Variants in FBN1 observed in about 807,000 individuals in gnomAD.
FBN1 encodes fibrillin 1, also known as fibrillin-1.
In FBN1, 29 loss-of-function variants were observed where a neutral mutation model predicts 365.1. That is an observed-to-expected ratio of 0.08 (90% confidence interval 0.06 to 0.11). The LOEUF (loss-of-function observed/expected upper bound fraction) is 0.11. Among genes scored for constraint, FBN1 ranks in the 10% least tolerant of loss-of-function variants. FBN1 has a pLI of 1.00. For synonymous variants in FBN1, 1,210 were observed against 1,270.5 expected (o/e 0.95, Z 1.01); for missense variants, 2,476 against 3,703.2 (o/e 0.67, Z 8.60).
intron 2 of FBN1, among the ~76,000 whole-genome samples, chr15:48,633,521 C>A (rs1890029361): frequency 6.6e-6 from 1 of 152,056 alleles, no homozygotes; most frequent in Admixed American, 6.6e-5. Context: ...TCTCTTTTTC[C>A]AACCACCTGA....
intron 13 of FBN1, among the ~76,000 whole-genome samples, chr15:48,512,789 A>C (rs1423884477): frequency 6.6e-6 from 1 of 151,908 alleles, no homozygotes; most frequent in Admixed American, 6.6e-5. Flanking sequence ...GTCTTTACTG[A>C]ATTAATGATA....
At chr15:48,430,837 A>G in intron 55 of FBN1, 35 bp from the exon 56 acceptor site, 1 of 1,607,944 alleles carries the variant, frequency 6.2e-7, no homozygotes, top group Non-Finnish European at 8.5e-7. Flanking sequence ...TTTGTCAAAG[A>G]AAATGCATAT....
intron 10 of FBN1, among the ~76,000 whole-genome samples, chr15:48,518,677 G>A (rs1334340049): frequency 3.3e-5 from 5 of 152,096 alleles, no homozygotes; most frequent in African/African-American, 9.7e-5. Context: ...GATCAGCAAC[G>A]TGGGGCTAAT....
At chr15:48,421,876 A>G in intron 61 of FBN1, 76 bp downstream of exon 61, 1 of 1,308,158 alleles carries the variant, frequency 7.6e-7, no homozygotes, top group Non-Finnish European at 1.1e-6. Flanking sequence ...TCTTATCCCA[A>G]CAGCAGAGGA....
intron 4 of FBN1, among the ~76,000 whole-genome samples, chr15:48,610,447 G>A (rs1285874364): frequency 6.6e-6 from 1 of 152,088 alleles, no homozygotes; most frequent in Non-Finnish European, 1.5e-5. Flanking sequence ...TTACACTGGA[G>A]ATACAAAGAT....
At chr15:48,628,517 A>G (rs1889928627) in intron 2 of FBN1, among the ~76,000 whole-genome samples, 1 of 152,206 alleles carries the variant, frequency 6.6e-6, no homozygotes, top group Non-Finnish European at 1.5e-5. Flanking sequence ...ATCATGGGAT[A>G]AATGGACCTT....
At position 48,612,195 on chromosome 15, in the gene FBN1, T is replaced by C. The variant is rs149814328; in HGVS notation, c.247+815A>G. ...CAAGAATTGAGAAACAGTTAAACTT[T>C]TTCAGGTCATGAAGCAAATATTGGC... is the stretch of plus-strand genomic sequence containing the variant. On this transcript the variant is annotated intron_variant, in intron 3 of 65. Transcript: ENST00000316623. Among the ~76,000 whole-genome samples the C allele has an allele frequency of 1.9e-3, 283 of 152,344 alleles. 1 individual carries two copies. The highest frequency in any genetic ancestry group is 6.6e-3 in the African/African-American group (274 of 41,576).
intron 60 of FBN1, among the ~76,000 whole-genome samples, chr15:48,423,058 T>A (rs2141223621): frequency 6.6e-6 from 1 of 152,378 alleles, no homozygotes; most frequent in African/African-American, 2.4e-5. Flanking sequence ...TGACCAGGCC[T>A]CTTTTCTCAA....
intron 4 of FBN1, among the ~76,000 whole-genome samples, chr15:48,603,211 C>T (rs1398583461): frequency 6.6e-6 from 1 of 152,144 alleles, no homozygotes; most frequent in Non-Finnish European, 1.5e-5. Context: ...ATAAAATATT[C>T]TTTCTTTAAA....
intron 50 of FBN1, 81 bp downstream of exon 50, chr15:48,441,640 G>C: frequency 6.5e-7 from 1 of 1,543,398 alleles, no homozygotes; most frequent in Non-Finnish European, 8.9e-7. Context: ...CAAAGAAACA[G>C]AGCTTTGCCA....
In FBN1 at chr15:48,610,716, T is replaced by A; in HGVS notation, c.346+12A>T. On this transcript the variant is annotated intron_variant, in intron 4 of 65. Coordinates refer to ENST00000316623, the MANE Select transcript of FBN1 (RefSeq NM_000138.5). ...TAAAATAATATTATATATAATGACA[T>A]GTTAGACTTACTGGATCTGGAGCCA... 3.2e-6 allele frequency: 5 copies of A among 1,587,052 alleles called. No individual in the cohort carries two copies. The highest frequency in any genetic ancestry group is 4.3e-6 in the Non-Finnish European group (5 of 1,155,660).
intron 4 of FBN1, among the ~76,000 whole-genome samples, chr15:48,609,655 G>A (rs1396069598): frequency 6.6e-6 from 1 of 152,206 alleles, no homozygotes; most frequent in East Asian, 1.9e-4. Flanking sequence ...TTAAAAGTCT[G>A]CTTCCAGGTC....
At chr15:48,515,603 A>G (rs2043794563) in intron 11 of FBN1, 76 bp from the exon 12 acceptor site, 7 of 1,570,840 alleles carry the variant, frequency 4.5e-6, no homozygotes, top group Non-Finnish European at 6.1e-6. Context: ...GACAATAATG[A>G]ACAAGATGTT....
In FBN1 at chr15:48,463,962, C is replaced by T. The variant is rs1159090162; in HGVS notation, c.5002G>A (p.Gly1668Ser). The change falls in exon 41 of 66, where the codon GGC becomes AGC. Residue 1668 changes from glycine to serine, a missense_variant. Around this residue, in one of 5 missense-constraint regions of FBN1, gnomAD observed 1,780 missense variants for 2,840.8 expected, o/e 0.63. Transcript: ENST00000316623. ...CGPGTCYNTV[G>S]NYTCICPPDY... ...GGAGGACAGATACAGGTGTAGTTGC[C>T]AACGGTGTTGTAACATGTCCCTGGA... 1 of 1,613,682 alleles carries T rather than the reference C, an allele frequency of 6.2e-7. No individual in the cohort carries two copies. Among genetic ancestry groups the T allele is most frequent in the Non-Finnish European group, 8.5e-7 (1 of 1,179,720 alleles).
rs1409079752 is a variant in FBN1 at position 48,474,341 on chromosome 15, C to T, written c.4124G>A (p.Ser1375Asn). ...GGTATTCTTGCAGTCTGCATGCTGGCTGCACATATGGGTTCCATTGGAACA... is the reference window on the plus strand; with the variant it reads ...GGTATTCTTGCAGTCTGCATGCTGGTTGCACATATGGGTTCCATTGGAACA... ...DECSNGTHMC[S>N]QHADCKNTMG... The change falls in exon 34 of 66, where the codon AGC becomes AAC. Residue 1375 changes from serine (S) to asparagine (N), a missense_variant. Physicochemically the swap from Ser to Asn is conservative, Grantham distance 46 (BLOSUM62 1). Coordinates refer to ENST00000316623, the MANE Select transcript of FBN1 (RefSeq NM_000138.5). The T allele has an allele frequency of 1.2e-6, 2 of 1,614,108 alleles. No individual in the cohort carries two copies. Among genetic ancestry groups the T allele is most frequent in the Non-Finnish European group, 1.7e-6 (2 of 1,180,000 alleles).
intron 17 of FBN1, among the ~76,000 whole-genome samples, chr15:48,499,329 A>T (rs552847606): frequency 1.3e-5 from 2 of 152,354 alleles, no homozygotes; most frequent in East Asian, 3.9e-4. Context: ...TTCACCAGGG[A>T]ACACTTTACA....
chr15:48,463,753 G>A lies in FBN1; in HGVS notation c.5065+146C>T, dbSNP rs1597545716. On this transcript the variant is annotated intron_variant, in intron 41 of 65. Coordinates refer to ENST00000316623, the MANE Select transcript of FBN1 (RefSeq NM_000138.5). ...AAAAAATGCCAAGTTATGATTTATAGGGGAAGAGTCTCCTAACAAGACAGT... is the reference window on the plus strand; with the variant it reads ...AAAAAATGCCAAGTTATGATTTATAAGGGAAGAGTCTCCTAACAAGACAGT... The A allele has an allele frequency of 6.5e-6, 6 of 927,648 alleles. No homozygotes were observed. The Middle Eastern group carries it at 6.4e-4, about 99-fold the overall frequency. The allele number at this position is 927,648 out of a possible 1,614,324, so 57.5% of individuals were successfully genotyped here.
At chr15:48,606,931 C>T (rs1174132804) in intron 4 of FBN1, among the ~76,000 whole-genome samples, 1 of 152,166 alleles carries the variant, frequency 6.6e-6, no homozygotes, top group East Asian at 1.9e-4. Flanking sequence ...TTGGTCATCT[C>T]GGGAGTTCAG....
chr15:48,566,368 T>C (rs1367384822), intron 6 of FBN1, among the ~76,000 whole-genome samples: 1 of 152,248 alleles, frequency 6.6e-6, no homozygotes, highest in Non-Finnish European at 1.5e-5. Flanking sequence ...AATTTCATAA[T>C]ATAAACACCT....
Sources: gnomAD v4.1 joint callset for allele counts (sites outside exome capture counted in the v4.1 genomes callset) on GRCh38, gnomAD v4.1.1 for gene constraint, gnomAD v4.1.1 regional missense constraint, MANE v1.5 for transcripts, NCBI Gene and HGNC (gene_info 2026-07-23, HGNC 2026-07-21) for gene names.